The following TRIM5 variants were observed in gnomAD, a reference collection of about 807,000 sequenced individuals.
TRIM5 encodes the protein tripartite motif-containing protein 5.
TRIM5 carries 31 observed loss-of-function variants against 35.6 expected under a neutral mutation model. That is an observed-to-expected ratio of 0.87 (90% confidence interval 0.65 to 1.18). The LOEUF (loss-of-function observed/expected upper bound fraction) is 1.18, where lower values mean the gene tolerates loss of function less well. TRIM5 is among the 50% of genes most tolerant of loss of function. The pLI is 0.00. For missense variants in TRIM5, 609 were observed against 591.6 expected, an observed-to-expected ratio of 1.03 and a Z score of -0.31; for synonymous variants, 243 against 215.6, an observed-to-expected ratio of 1.13 and a Z score of -1.11.
the TRIM5 span, among the ~76,000 whole-genome samples, chr11:5,652,490 T>C: frequency 6.6e-6 from 1 of 152,228 alleles, no homozygotes; most frequent in African/African-American, 2.4e-5. Flanking sequence ...TGTAGCATTA[T>C]TTCCGGGCTC....
the TRIM5 span, among the ~76,000 whole-genome samples, chr11:5,598,594 A>C: frequency 6.6e-6 from 1 of 152,216 alleles, no homozygotes; most frequent in South Asian, 2.1e-4. Flanking sequence ...ATCAACATAA[A>C]AAAATTAATA....
At chr11:5,642,391 T>G in the TRIM5 span, 11 of 1,609,658 alleles carry the variant, frequency 6.8e-6, no homozygotes, top group Middle Eastern at 4.3e-4. Context: ...GTCAAAAAAT[T>G]TTTTTCATCC....
the TRIM5 span, chr11:5,643,028 G>C: frequency 7.7e-7 from 1 of 1,291,026 alleles, no homozygotes; most frequent in Non-Finnish European, 1.0e-6. Context: ...CACTTCCCAA[G>C]TTCGTTCATC....
the TRIM5 span, among the ~76,000 whole-genome samples, chr11:5,647,998 T>C: frequency 0.84 from 127,802 of 152,070 alleles, 54,019 homozygotes; most frequent in Non-Finnish European, 0.88. Context: ...AGTTTTAGAA[T>C]GCTCAAACCC....
At chr11:5,608,317 T>C in the TRIM5 span, 2 of 1,608,334 alleles carry the variant, frequency 1.2e-6, no homozygotes, top group South Asian at 1.1e-5. Flanking sequence ...AGGAGAAATG[T>C]GGATAAGGGC....
the TRIM5 span, chr11:5,603,722 C>T: frequency 6.2e-7 from 1 of 1,613,028 alleles, no homozygotes. Flanking sequence ...GAGGAGGTTG[C>T]CCAGGAGTAC....
chr11:5,612,773 G>A, the TRIM5 span: 1 of 152,134 alleles, frequency 6.6e-6, no homozygotes, highest in African/African-American at 2.4e-5. Flanking sequence ...AATGTCTGTT[G>A]AGTACTTCAT....
chr11:5,676,579 C>A (rs568933757), intron 4 of TRIM5, among the ~76,000 whole-genome samples: 3 of 151,144 alleles, frequency 2.0e-5, no homozygotes, highest in Non-Finnish European at 4.5e-5. Context: ...CTAACAATGA[C>A]TTCACAGAAT....
chr11:5,626,163 G>C, the TRIM5 span, among the ~76,000 whole-genome samples: 2 of 152,198 alleles, frequency 1.3e-5, no homozygotes, highest in Non-Finnish European at 2.9e-5. Context: ...GAGGCGTCTA[G>C]TCAGGCACAA....
chr11:5,652,283 T>C, the TRIM5 span, among the ~76,000 whole-genome samples: 1 of 152,118 alleles, frequency 6.6e-6, no homozygotes, highest in East Asian at 1.9e-4. Flanking sequence ...TCTTCTAGGG[T>C]TTTTATAAGT....
the TRIM5 span, chr11:5,635,002 G>C: frequency 1.2e-6 from 1 of 809,538 alleles, no homozygotes; most frequent in Non-Finnish European, 1.9e-6. Flanking sequence ...TCATGGACAT[G>C]AATGACATTT....
chr11:5,649,908 G>T, the TRIM5 span, among the ~76,000 whole-genome samples: 1 of 152,176 alleles, frequency 6.6e-6, no homozygotes, highest in Non-Finnish European at 1.5e-5. Flanking sequence ...CCACTTAACT[G>T]GTGCTTTTAG....
At chr11:5,654,391 G>A in the TRIM5 span, among the ~76,000 whole-genome samples, 1 of 152,194 alleles carries the variant, frequency 6.6e-6, no homozygotes, top group Non-Finnish European at 1.5e-5. Context: ...GTGGTATAGT[G>A]TTCATGTAAT....
chr11:5,637,146 C>G, the TRIM5 span, among the ~76,000 whole-genome samples: 2 of 142,382 alleles, frequency 1.4e-5, no homozygotes, highest in South Asian at 4.9e-4. Flanking sequence ...GCACTCCAGC[C>G]TGGGCGACAG....
chr11:5,660,222 A>G (rs980789828), downstream of TRIM5, among the ~76,000 whole-genome samples: 1 of 152,038 alleles, frequency 6.6e-6, no homozygotes, highest in Non-Finnish European at 1.5e-5. Flanking sequence ...TGATCTGCCC[A>G]CCTCAGCCTC....
At chr11:5,637,753 C>T in the TRIM5 span, among the ~76,000 whole-genome samples, 1 of 152,196 alleles carries the variant, frequency 6.6e-6, no homozygotes, top group Non-Finnish European at 1.5e-5. Context: ...TCCCTTTGGT[C>T]ACCACTGCTC....
the TRIM5 span, chr11:5,643,367 G>A: frequency 1.2e-6 from 2 of 1,614,090 alleles, no homozygotes; most frequent in Non-Finnish European, 8.5e-7. Flanking sequence ...GCCATATGAA[G>A]TATGTTGTTA....
the TRIM5 span, among the ~76,000 whole-genome samples, chr11:5,608,847 A>ATTTTTTTTTTTTTTTTTTTTTTTTTTT: frequency 9.8e-6 from 1 of 101,902 alleles, no homozygotes; most frequent in African/African-American, 4.3e-5. Context: ...TTGCCCATAA[A>ATTTTTTTTTTTTTTTTTTTTTTTTTTT]TTTTTTTTTT....
chr11:5,667,747 AAG>A, intron 4 of TRIM5, 36 bp from the exon 5 acceptor site: 1 of 1,610,436 alleles, frequency 6.2e-7, no homozygotes, highest in Admixed American at 1.7e-5. Flanking sequence ...TTAAGAAAGA[AAG>A]AGTCTCTCCT....
Sources: gnomAD v4.1 joint callset for allele counts (sites outside exome capture counted in the v4.1 genomes callset) on GRCh38, gnomAD v4.1.1 for gene constraint, MANE v1.5 for transcripts, NCBI Gene and HGNC (gene_info 2026-07-23, HGNC 2026-07-21) for gene names.